The following TRPM6 variants were observed in gnomAD, a reference collection of about 807,000 sequenced individuals.
TRPM6 encodes transient receptor potential cation channel subfamily M member 6.
A neutral mutation model predicts 247.6 loss-of-function variants in TRPM6; 111 were observed. The observed-to-expected ratio is 0.45, with a 90% CI of 0.38 to 0.52. TRPM6 has a LOEUF of 0.52. Ranked by LOEUF, TRPM6 falls within the 20% of genes least tolerant of loss-of-function variation. The probability of loss-of-function intolerance (pLI) is 0.00; values close to 1 mark genes in which losing one functional copy is unlikely to be tolerated. For synonymous variants in TRPM6, 892 were observed against 853.8 expected, an observed-to-expected ratio of 1.04 and a Z score of -0.78; for missense variants, 2,126 against 2,421.5, an observed-to-expected ratio of 0.88 and a Z score of 2.56.
At chr9:74,835,672 TG>T (rs1433984098) in intron 5 of TRPM6, among the ~76,000 whole-genome samples, 1 of 152,152 alleles carries the variant, frequency 6.6e-6, no homozygotes, top group East Asian at 1.9e-4. Flanking sequence ...CAAAAAATTG[TG>T]GCACTGAGAG....
chr9:74,827,653 T>C, intron 7 of TRPM6, 125 bp downstream of exon 7: 1 of 976,622 alleles, frequency 1.0e-6, no homozygotes, highest in Middle Eastern at 2.1e-4. Flanking sequence ...GGGGGGTGGC[T>C]GAAGAGTATT....
intron 30 of TRPM6, 139 bp downstream of exon 30, chr9:74,750,525 T>C: frequency 2.5e-6 from 2 of 789,032 alleles, no homozygotes; most frequent in Non-Finnish European, 4.3e-6. Context: ...ATTTTCATTC[T>C]GCTAACAAGA....
At chr9:74,745,044 T>C (rs1230500231) in intron 31 of TRPM6, among the ~76,000 whole-genome samples, 1 of 152,200 alleles carries the variant, frequency 6.6e-6, no homozygotes, top group African/African-American at 2.4e-5. Context: ...GAGATATGGG[T>C]AAGGTGTGGT....
chr9:74,745,591 T>G (rs1219307893), intron 31 of TRPM6, among the ~76,000 whole-genome samples: 1 of 151,804 alleles, frequency 6.6e-6, no homozygotes, highest in Non-Finnish European at 1.5e-5. Flanking sequence ...GAGCACAGAG[T>G]TGAAGGAAGA....
intron 17 of TRPM6, 87 bp from the exon 18 acceptor site, chr9:74,796,980 T>C: frequency 7.9e-7 from 1 of 1,259,016 alleles, no homozygotes; most frequent in Non-Finnish European, 1.1e-6. Flanking sequence ...TTTCAGTGTA[T>C]ATAAAATGCC....
Position 74,834,061 on chromosome 9 carries a change from G to C in TRPM6, c.606C>G (p.Ile202Met). The C allele has an allele frequency of 6.2e-7, 1 of 1,614,090 alleles. No homozygotes were observed. The highest frequency in any genetic ancestry group is 1.1e-5 in the South Asian group (1 of 91,078). Residue 202 changes from isoleucine (I) to methionine (M), a missense_variant, in exon 6 of 39, where the codon ATC becomes ATG. Around this residue, in one of 3 missense-constraint regions of TRPM6, gnomAD observed 1,082 missense variants for 1,307.9 expected, o/e 0.83. Transcript: ENST00000360774. ...CCCAAGGAGGGATTCCAACTGTCCA[G>C]ATTTTTCTCAAGGAATGAGAGGAAT... Reference protein sequence around the residue: ...KSHSSHSLRKIWTVGIPPWGV... With the variant: ...KSHSSHSLRKMWTVGIPPWGV...
intron 18 of TRPM6, 68 bp from the exon 19 acceptor site, chr9:74,792,838 C>A: frequency 7.1e-7 from 1 of 1,410,298 alleles, no homozygotes; most frequent in Non-Finnish European, 1.0e-6. Flanking sequence ...GCATGAACAT[C>A]CAAAAAATAT....
rs1828703496 is a variant in TRPM6 at position 74,810,824 on chromosome 9, A to G, written c.1488T>C (p.Asp496=). 6.2e-7 allele frequency: 1 copy of G among 1,613,744 alleles called. No homozygotes were observed. Among genetic ancestry groups the G allele is most frequent in the African/African-American group, 1.3e-5 (1 of 74,926 alleles). ...TTCTTAATTAGGTTACCTGTTTCACATCTTGGACGAGATGATGCAAGAGTG... is the reference window on the plus strand; with the variant it reads ...TTCTTAATTAGGTTACCTGTTTCACGTCTTGGACGAGATGATGCAAGAGTG... ...TNTLLHHLVQ[D]VKQHTLLSGY... The change falls in exon 13 of 39, where the codon GAT becomes GAC. Residue 496 remains aspartate, a synonymous_variant. Transcript: ENST00000360774.
chr9:74,754,413 G>A (rs1262853739), intron 28 of TRPM6, among the ~76,000 whole-genome samples: 3 of 152,152 alleles, frequency 2.0e-5, no homozygotes, highest in Admixed American at 6.5e-5. Context: ...TATCTATCCC[G>A]TTCATTGTAA....
At chr9:74,844,124 A>G (rs1039557163) in intron 3 of TRPM6, among the ~76,000 whole-genome samples, 3 of 152,242 alleles carry the variant, frequency 2.0e-5, no homozygotes, top group African/African-American at 7.2e-5. Context: ...TACATTTAGC[A>G]TAATTATTAA....
At chr9:74,772,447 CTTCTT>C (rs1004641411) in intron 24 of TRPM6, among the ~76,000 whole-genome samples, 2 of 152,276 alleles carry the variant, frequency 1.3e-5, no homozygotes, top group South Asian at 2.1e-4. Context: ...GGGAATCTGT[CTTCTT>C]TTCTCTCTGC....
chr9:74,834,214 T>C, intron 5 of TRPM6, 92 bp from the exon 6 acceptor site: 1 of 1,478,984 alleles, frequency 6.8e-7, no homozygotes, highest in Non-Finnish European at 9.4e-7. Flanking sequence ...TAGGCAAGCA[T>C]ATGCAAGGGC....
At chr9:74,822,455 A>G (rs1460375888) in intron 7 of TRPM6, among the ~76,000 whole-genome samples, 3 of 148,580 alleles carry the variant, frequency 2.0e-5, no homozygotes, top group Non-Finnish European at 4.5e-5. Flanking sequence ...GGGTCTCCCT[A>G]TGTTGCTCAG....
intron 1 of TRPM6, 44 bp downstream of exon 1, chr9:74,887,780 G>C (rs773558514): frequency 6.2e-7 from 1 of 1,613,948 alleles, no homozygotes; most frequent in Non-Finnish European, 8.5e-7. Flanking sequence ...CTAGCGAATC[G>C]CCTAAGGTCC....
In TRPM6 at chr9:74,800,457, A is replaced by G; in HGVS notation, c.2035T>C (p.Leu679=). The change falls in exon 17 of 39, where the codon TTG becomes CTG. Residue 679 remains leucine, a synonymous_variant. Coordinates refer to ENST00000360774, the MANE Select transcript of TRPM6 (RefSeq NM_017662.5). ...TTCTGCTTGAATGCCTTCTCCAACA[A>G]GTCCAGAGCCAGCTGGCCAAACTGT... ...SKQFGQLALD[L]LEKAFKQNER... 6.2e-7 allele frequency: 1 copy of G among 1,614,038 alleles called. No homozygotes were observed.
At position 74,887,314 on chromosome 9, in the gene TRPM6, C is replaced by T. The variant is rs1336363162; in HGVS notation, c.33+510G>A. 3 of 1,369,302 alleles carry T rather than the reference C, an allele frequency of 2.2e-6. No individual in the cohort carries two copies. The East Asian group carries it at 8.0e-5, about 36-fold the overall frequency. The allele number at this position is 1,369,302 out of a possible 1,614,324, so 84.8% of individuals were successfully genotyped here. A position where few individuals can be genotyped will look rare whatever the true frequency, so the allele number is the denominator to read the frequency against. On this transcript the variant is annotated intron_variant, in intron 1 of 38. Coordinates refer to ENST00000360774, the MANE Select transcript of TRPM6 (RefSeq NM_017662.5). ...GACGCGCAGGGGCGCGGAGGGACGG[C>T]CGTCTGGGCACTTCTCCAGCCGCCT... is the stretch of plus-strand genomic sequence containing the variant.
chr9:74,730,373 G>A (rs1431655887), intron 37 of TRPM6, among the ~76,000 whole-genome samples: 2 of 152,194 alleles, frequency 1.3e-5, no homozygotes, highest in Non-Finnish European at 2.9e-5. Flanking sequence ...GAAACAATAT[G>A]AGAATTTATA....
chr9:74,885,143 G>A (rs751396783), intron 1 of TRPM6, among the ~76,000 whole-genome samples: 4 of 152,084 alleles, frequency 2.6e-5, no homozygotes, highest in Non-Finnish European at 4.4e-5. Flanking sequence ...GACAACTCTG[G>A]AAAAAAACAA....
At chr9:74,813,306 C>T (rs1280511053) in intron 11 of TRPM6, among the ~76,000 whole-genome samples, 1 of 152,228 alleles carries the variant, frequency 6.6e-6, no homozygotes, top group Non-Finnish European at 1.5e-5. Flanking sequence ...ATGGTCAAGT[C>T]ATAATTGACT....
Sources: allele counts gnomAD v4.1 joint callset (sites outside exome capture counted in the v4.1 genomes callset), GRCh38; gene constraint gnomAD v4.1.1; regional missense constraint gnomAD v4.1.1; transcripts MANE v1.5; gene names NCBI Gene and HGNC (gene_info 2026-07-23, HGNC 2026-07-21).